SH3GL2: variants seen among roughly 807,000 people sequenced by gnomAD.
The protein encoded by SH3GL2 is SH3 domain containing GRB2 like 2, endophilin A1, also known as endophilin-A1.
Under a neutral mutation model 46.0 loss-of-function variants are expected in SH3GL2, and 24 were observed. The ratio of observed to expected loss-of-function variants is 0.52; its 90% confidence interval spans 0.38 to 0.73. The LOEUF (loss-of-function observed/expected upper bound fraction) is 0.73, where lower values mean the gene tolerates loss of function less well. Among genes scored for constraint, SH3GL2 ranks in the 30% least tolerant of loss-of-function variants. SH3GL2 has a pLI of 0.00. For missense variants in SH3GL2, 413 were observed against 424.2 expected (o/e 0.97, Z 0.23); for synonymous variants, 196 against 147.1 (o/e 1.33, Z -2.40).
At chr9:17,753,649 C>G (rs1490385915) in intron 2 of SH3GL2, among the ~76,000 whole-genome samples, 2 of 152,074 alleles carry the variant, frequency 1.3e-5, no homozygotes, top group Non-Finnish European at 2.9e-5. Context: ...TTGGTAGTTT[C>G]TTTTGCTGTG....
intron 1 of SH3GL2, among the ~76,000 whole-genome samples, chr9:17,676,460 G>A (rs1820612666): frequency 6.6e-6 from 1 of 152,044 alleles, no homozygotes; most frequent in Non-Finnish European, 1.5e-5. Context: ...ACTAAAATTA[G>A]CTGGGCATGG....
At chr9:17,728,616 T>A (rs1208875329) in intron 1 of SH3GL2, among the ~76,000 whole-genome samples, 1 of 151,920 alleles carries the variant, frequency 6.6e-6, no homozygotes, top group African/African-American at 2.4e-5. Context: ...CCTAATGCTA[T>A]CCCTCCCCTT....
At chr9:17,646,753 C>T (rs931476776) in intron 1 of SH3GL2, among the ~76,000 whole-genome samples, 1 of 152,162 alleles carries the variant, frequency 6.6e-6, no homozygotes, top group African/African-American at 2.4e-5. Context: ...GAAGCTTCAT[C>T]CCACAGGGGC....
At chr9:17,703,742 A>G (rs1821395574) in intron 1 of SH3GL2, among the ~76,000 whole-genome samples, 1 of 152,106 alleles carries the variant, frequency 6.6e-6, no homozygotes, top group Non-Finnish European at 1.5e-5. Flanking sequence ...GGCTTTTAAT[A>G]CAATTCAGCA....
intron 3 of SH3GL2, among the ~76,000 whole-genome samples, chr9:17,779,448 G>A (rs9407869): frequency 0.12 from 17,607 of 152,036 alleles, 1,129 homozygotes; most frequent in Admixed American, 0.15. Flanking sequence ...AACTATGAGA[G>A]CTCGGATAGG....
At chr9:17,687,557 A>C (rs1044283489) in intron 1 of SH3GL2, among the ~76,000 whole-genome samples, 9 of 152,138 alleles carry the variant, frequency 5.9e-5, no homozygotes, top group Non-Finnish European at 5.9e-5. Flanking sequence ...GGAGTTAAAA[A>C]AGCATGTTCT....
At chr9:17,794,099 T>C (rs550393298) in intron 8 of SH3GL2, among the ~76,000 whole-genome samples, 3 of 152,342 alleles carry the variant, frequency 2.0e-5, no homozygotes, top group South Asian at 2.1e-4. Context: ...GGGGTTGATA[T>C]AATAAAAGCT....
intron 6 of SH3GL2, among the ~76,000 whole-genome samples, chr9:17,790,101 G>A (rs2131190921): frequency 6.6e-6 from 1 of 152,292 alleles, no homozygotes; most frequent in Middle Eastern, 3.4e-3. Context: ...AGGCCAGAAA[G>A]CCTAGAGCTG....
intron 1 of SH3GL2, among the ~76,000 whole-genome samples, chr9:17,740,006 T>A (rs1460051259): frequency 6.6e-6 from 1 of 152,148 alleles, no homozygotes; most frequent in East Asian, 1.9e-4. Flanking sequence ...CTCAAACTCA[T>A]TTTAAAGTTT....
At chr9:17,771,830 A>C (rs2224954) in intron 3 of SH3GL2, among the ~76,000 whole-genome samples, 66,927 of 151,944 alleles carry the variant, frequency 0.44, 15,720 homozygotes, top group East Asian at 0.79. Context: ...GAGAGGTGTT[A>C]TATAAATACC....
intron 1 of SH3GL2, among the ~76,000 whole-genome samples, chr9:17,687,706 C>G (rs1048716806): frequency 1.3e-5 from 2 of 150,482 alleles, no homozygotes; most frequent in African/African-American, 5.0e-5. Flanking sequence ...AAGTTTAAGT[C>G]GAGGATTTGT....
chr9:17,692,988 T>TA (rs777761910), intron 1 of SH3GL2, among the ~76,000 whole-genome samples: 2 of 152,110 alleles, frequency 1.3e-5, no homozygotes, highest in South Asian at 2.1e-4. Flanking sequence ...GCTATTCAGT[T>TA]ACCTCCCCCT....
At chr9:17,775,496 G>C (rs1823617641) in intron 3 of SH3GL2, among the ~76,000 whole-genome samples, 1 of 152,158 alleles carries the variant, frequency 6.6e-6, no homozygotes, top group African/African-American at 2.4e-5. Context: ...GATAACTTCT[G>C]AAATTATAGT....
At chr9:17,618,088 A>AT (rs1231466499) in intron 1 of SH3GL2, among the ~76,000 whole-genome samples, 2 of 152,126 alleles carry the variant, frequency 1.3e-5, no homozygotes, top group African/African-American at 2.4e-5. Context: ...AAAGCAATAG[A>AT]TTTTTTTCCC....
chr9:17,703,460 T>G (rs1821387114), intron 1 of SH3GL2, among the ~76,000 whole-genome samples: 2 of 151,912 alleles, frequency 1.3e-5, no homozygotes, highest in African/African-American at 4.8e-5. Flanking sequence ...GAGGTCAGCA[T>G]CATCCTGATA....
intron 1 of SH3GL2, among the ~76,000 whole-genome samples, chr9:17,734,271 G>A (rs1468828221): frequency 2.0e-5 from 3 of 152,040 alleles, no homozygotes; most frequent in Non-Finnish European, 4.4e-5. Flanking sequence ...TGAGGTAGAA[G>A]CATTTTGGAA....
intron 1 of SH3GL2, among the ~76,000 whole-genome samples, chr9:17,608,478 A>G (rs947933764): frequency 6.6e-6 from 1 of 152,218 alleles, no homozygotes; most frequent in Non-Finnish European, 1.5e-5. Context: ...GATAAATACA[A>G]TGAACAGATT....
At chr9:17,596,494 T>A (rs890214948) in intron 1 of SH3GL2, among the ~76,000 whole-genome samples, 3 of 152,172 alleles carry the variant, frequency 2.0e-5, no homozygotes, top group African/African-American at 7.2e-5. Flanking sequence ...CTGTTCAGCC[T>A]CATTCTCCAG....
chr9:17,639,711 C>T (rs1186992849), intron 1 of SH3GL2, among the ~76,000 whole-genome samples: 1 of 152,150 alleles, frequency 6.6e-6, no homozygotes, highest in African/African-American at 2.4e-5. Flanking sequence ...ATATTCATGG[C>T]AGTGCTATTC....
Sources: allele counts gnomAD v4.1 joint callset (sites outside exome capture counted in the v4.1 genomes callset), GRCh38; gene constraint gnomAD v4.1.1; transcripts MANE v1.5; gene names NCBI Gene and HGNC (gene_info 2026-07-23, HGNC 2026-07-21).